The following GLIS3 variants were observed in gnomAD, a reference collection of about 807,000 sequenced individuals.
The protein encoded by GLIS3 is GLIS family zinc finger 3, also known as zinc finger protein GLIS3.
GLIS3 carries 53 observed loss-of-function variants against 78.6 expected under a neutral mutation model. The ratio of observed to expected loss-of-function variants is 0.67; its 90% CI spans 0.54 to 0.85. The LOEUF is 0.85. GLIS3 is among the 40% of genes least tolerant of loss of function. GLIS3 has a pLI of 0.00. For missense variants in GLIS3, 1,703 were observed against 1,231.1 expected (o/e 1.38, Z -5.74); for synonymous variants, 684 against 509.9 (o/e 1.34, Z -4.60).
At chr9:4,202,470 A>G (rs1320412779) in intron 2 of GLIS3, among the ~76,000 whole-genome samples, 2 of 151,568 alleles carry the variant, frequency 1.3e-5, no homozygotes, top group African/African-American at 4.8e-5. Context: ...AAATAAATAA[A>G]TAAAATTCAC....
intron 4 of GLIS3, among the ~76,000 whole-genome samples, chr9:4,091,403 T>C (rs1014183641): frequency 4.6e-5 from 7 of 151,938 alleles, no homozygotes; most frequent in Non-Finnish European, 1.0e-4. Flanking sequence ...TAAACGTTTG[T>C]AAGATTGGTA....
At chr9:4,339,865 G>C (rs1587394326) in intron 2 of GLIS3, among the ~76,000 whole-genome samples, 1 of 76,670 alleles carries the variant, frequency 1.3e-5, no homozygotes. Flanking sequence ...GGAGGGGTGG[G>C]GGAGGGGAGG....
At chr9:4,261,659 G>A (rs1309736249) in intron 2 of GLIS3, among the ~76,000 whole-genome samples, 3 of 152,144 alleles carry the variant, frequency 2.0e-5, no homozygotes, top group East Asian at 1.9e-4. Context: ...GCGAATGGAT[G>A]GAGCCACATT....
Position 4,064,007 on chromosome 9 carries a change from CT to C in GLIS3, c.1710+53760del, listed in dbSNP as rs990899853. On this transcript the variant is annotated intron_variant, in intron 4 of 10. Coordinates refer to ENST00000381971, the MANE Select transcript of GLIS3 (RefSeq NM_001042413.2). ...CCAGATGTCAAATATATTTCAAAGA[CT>C]TTTTTTTTCAACTCTGAAATGTAGA... is the stretch of plus-strand genomic sequence containing the variant. Among the ~76,000 whole-genome samples, 59 of 151,390 alleles carry C rather than the reference CT, an allele frequency of 3.9e-4. 1 individual carries two copies. The highest frequency in any genetic ancestry group is 1.9e-3 in the East Asian group (10 of 5,164).
At chr9:4,447,071 A>T in the GLIS3 span, among the ~76,000 whole-genome samples, 2 of 151,804 alleles carry the variant, frequency 1.3e-5, no homozygotes, top group Non-Finnish European at 2.9e-5. Context: ...TAATAGAGAC[A>T]AGGTCTCACT....
At chr9:3,875,223 A>G (rs956654773) in intron 8 of GLIS3, among the ~76,000 whole-genome samples, 9 of 152,250 alleles carry the variant, frequency 5.9e-5, no homozygotes, top group African/African-American at 1.7e-4. Context: ...ACTTCCCGTA[A>G]TAAGTTAGAT....
intron 9 of GLIS3, among the ~76,000 whole-genome samples, chr9:3,851,363 G>T (rs1410599985): frequency 6.6e-6 from 1 of 152,148 alleles, no homozygotes; most frequent in Non-Finnish European, 1.5e-5. Flanking sequence ...GGACTAAAGT[G>T]CACTAAGAAG....
the GLIS3 span, among the ~76,000 whole-genome samples, chr9:4,390,062 A>G: frequency 1.3e-5 from 2 of 152,362 alleles, no homozygotes; most frequent in African/African-American, 4.8e-5. Flanking sequence ...CCAGACTAAT[A>G]AAAAATTTCT....
chr9:4,128,680 G>A (rs916712265), intron 2 of GLIS3, among the ~76,000 whole-genome samples: 4 of 152,168 alleles, frequency 2.6e-5, no homozygotes, highest in African/African-American at 9.7e-5. Flanking sequence ...AATGGAATAT[G>A]AAGTCAGTGG....
At chr9:4,012,765 CTTTTT>C (rs71324278) in intron 4 of GLIS3, among the ~76,000 whole-genome samples, 4 of 66,476 alleles carry the variant, frequency 6.0e-5, no homozygotes, top group Non-Finnish European at 1.1e-4. Flanking sequence ...TTTTCTTTTT[CTTTTT>C]TTTTTTTTTT....
intron 2 of GLIS3, among the ~76,000 whole-genome samples, chr9:4,206,876 T>C (rs1326925372): frequency 6.6e-6 from 1 of 151,284 alleles, no homozygotes; most frequent in Non-Finnish European, 1.5e-5. Context: ...GTGTAGATAC[T>C]TGGCATATCG....
intron 8 of GLIS3, among the ~76,000 whole-genome samples, chr9:3,875,140 G>T (rs919412212): frequency 1.3e-5 from 2 of 152,148 alleles, no homozygotes; most frequent in East Asian, 3.8e-4. Context: ...TTCCAAAGAC[G>T]CTGAGTTCCT....
intron 2 of GLIS3, among the ~76,000 whole-genome samples, chr9:4,227,865 C>T (rs1013562086): frequency 3.3e-5 from 5 of 152,208 alleles, no homozygotes; most frequent in African/African-American, 4.8e-5. Flanking sequence ...CTTCACTTCC[C>T]ATTTCCAAGT....
intron 2 of GLIS3, among the ~76,000 whole-genome samples, chr9:4,280,432 G>C (rs1354517223): frequency 1.3e-5 from 2 of 152,178 alleles, no homozygotes; most frequent in African/African-American, 4.8e-5. Flanking sequence ...TACTGGCTTA[G>C]GAATTTGGAG....
chr9:4,289,196 T>C (rs10814914), intron 1 of GLIS3, among the ~76,000 whole-genome samples: 58,894 of 151,978 alleles, frequency 0.39, 13,266 homozygotes, highest in East Asian at 0.53. Flanking sequence ...CTTACAGTTT[T>C]TCATCCATAA....
At chr9:4,003,906 C>T (rs537685348) in intron 4 of GLIS3, among the ~76,000 whole-genome samples, 4 of 152,284 alleles carry the variant, frequency 2.6e-5, no homozygotes, top group East Asian at 3.9e-4. Context: ...GTAAATCTTT[C>T]GTGGTTAAGG....
intron 4 of GLIS3, among the ~76,000 whole-genome samples, chr9:3,956,079 G>A (rs373214372): frequency 4.0e-5 from 6 of 148,228 alleles, no homozygotes; most frequent in African/African-American, 5.0e-5. Context: ...TTCTTCATCC[G>A]TGGTCAAACT....
intron 8 of GLIS3, among the ~76,000 whole-genome samples, chr9:3,864,010 T>G (rs1820409489): frequency 6.6e-6 from 1 of 152,176 alleles, no homozygotes; most frequent in Non-Finnish European, 1.5e-5. Flanking sequence ...CTCAGTTGTT[T>G]GTCTATTTCA....
chr9:4,445,826 G>C, the GLIS3 span, among the ~76,000 whole-genome samples: 23 of 152,170 alleles, frequency 1.5e-4, no homozygotes, highest in Non-Finnish European at 5.9e-5. Context: ...AAGAGATGCT[G>C]GCTGCCAGTT....
Sources: allele counts gnomAD v4.1 joint callset (sites outside exome capture counted in the v4.1 genomes callset), GRCh38; gene constraint gnomAD v4.1.1; transcripts MANE v1.5; gene names NCBI Gene and HGNC (gene_info 2026-07-23, HGNC 2026-07-21).